TEAD4: variants seen among roughly 807,000 people sequenced by gnomAD.
TEAD4 encodes the protein TEA domain transcription factor 4, also known as transcriptional enhancer factor TEF-3.
A neutral mutation model predicts 52.4 loss-of-function variants in TEAD4; 36 were observed. The ratio of observed to expected loss-of-function variants is 0.69; its 90% CI spans 0.53 to 0.91. TEAD4 has a LOEUF of 0.91. TEAD4 is among the 40% of genes least tolerant of loss of function. The probability of loss-of-function intolerance (pLI) is 0.00; values close to 1 mark genes in which losing one functional copy is unlikely to be tolerated. For synonymous variants in TEAD4, 220 were observed against 231.0 expected, an observed-to-expected ratio of 0.95 and a Z score of 0.43; for missense variants, 508 against 583.9, an observed-to-expected ratio of 0.87 and a Z score of 1.34.
rs1239272473 is a variant in TEAD4, at chr12:2,994,821, C to T, written c.55C>T (p.Pro19Ser). The T allele has an allele frequency of 1.2e-6, 2 of 1,613,862 alleles. No individual in the cohort carries two copies. Among genetic ancestry groups the T allele is most frequent in the Non-Finnish European group, 1.7e-6 (2 of 1,180,004 alleles). ...CAACGAGTGGAGCTCTCCCACCTCC[C>T]CTGAGGGGAGCACCGCCTCTGGGGG... is the stretch of plus-strand genomic sequence containing the variant. The change falls in exon 3 of 13, where the codon CCT (proline) becomes TCT (serine). Residue 19 changes from proline (P) to serine (S), a missense_variant. By Grantham distance (74) the Pro-to-Ser change is moderately conservative. Transcript: ENST00000359864. The surrounding 1 kb of genome is among the most constrained non-coding windows in gnomAD (Gnocchi z 4.7).
At chr12:3,020,276 C>G (rs888238973) in intron 8 of TEAD4, among the ~76,000 whole-genome samples, 1 of 152,218 alleles carries the variant, frequency 6.6e-6, no homozygotes, top group Non-Finnish European at 1.5e-5. Flanking sequence ...GGTTATTTCC[C>G]CGACTGGAAC....
At chr12:3,016,474 G>A (rs538195037) in intron 5 of TEAD4, among the ~76,000 whole-genome samples, 2 of 152,002 alleles carry the variant, frequency 1.3e-5, no homozygotes, top group Admixed American at 6.6e-5. Flanking sequence ...GTACAGTAAC[G>A]CATGCCCGTG....
chr12:3,038,835 C>T (rs1012050264), intron 11 of TEAD4, among the ~76,000 whole-genome samples: 7 of 152,188 alleles, frequency 4.6e-5, no homozygotes, highest in African/African-American at 1.7e-4. Context: ...TCTCCTGCAG[C>T]ACCCTGTGTT....
intron 10 of TEAD4, among the ~76,000 whole-genome samples, chr12:3,033,768 A>G (rs989161838): frequency 2.6e-5 from 4 of 152,222 alleles, no homozygotes; most frequent in Non-Finnish European, 4.4e-5. Flanking sequence ...GGGCACTCAC[A>G]GGGCAGGGGA....
At chr12:3,018,740 T>TTCTA (rs2098266418) in intron 7 of TEAD4, 152 bp downstream of exon 7, 1 of 947,460 alleles carries the variant, frequency 1.1e-6, no homozygotes, top group Non-Finnish European at 1.6e-6. Context: ...GATTGGGCTC[T>TTCTA]TCTACTGTCA....
chr12:3,015,871 A>T (rs896936888), intron 5 of TEAD4, among the ~76,000 whole-genome samples: 2 of 151,894 alleles, frequency 1.3e-5, no homozygotes, highest in African/African-American at 4.8e-5. Context: ...TAATGGTTTT[A>T]TCTTTGTCAT....
In TEAD4 at chr12:2,965,745, CA is replaced by C. The variant is rs1164086355; in HGVS notation, c.-30+5706del. Among the ~76,000 whole-genome samples the C allele has an allele frequency of 4.6e-5, 7 of 151,992 alleles. 1 individual carries two copies. The highest frequency in any genetic ancestry group is 9.7e-5 in the African/African-American group (4 of 41,354). ...TTTTTTAGTAGAGACGGGGTTTCACCATGTTAGCCAGGATGGTCTTGATCTC... is the reference window on the plus strand; with the variant it reads ...TTTTTTAGTAGAGACGGGGTTTCACCTGTTAGCCAGGATGGTCTTGATCTC... On this transcript the variant is annotated intron_variant, in intron 2 of 12. Transcript: ENST00000359864.
chr12:3,037,394 G>T (rs185147059), intron 10 of TEAD4, among the ~76,000 whole-genome samples: 1 of 152,160 alleles, frequency 6.6e-6, no homozygotes, highest in South Asian at 2.1e-4. Context: ...GTGCCTAGAG[G>T]GGGAAGAGGC....
intron 4 of TEAD4, 25 bp downstream of exon 4, chr12:3,011,093 G>C: frequency 6.2e-7 from 1 of 1,613,708 alleles, no homozygotes; most frequent in Non-Finnish European, 8.5e-7. Context: ...ACGGGTAGGG[G>C]TCCCGGGGGT....
rs953431712 is a variant in TEAD4, at chr12:2,959,555, C to A, written c.-123+74C>A. Reference sequence around the variant, plus strand: ...CGCGCCCCACGCCGCCGCAGCCGACCGCTCGCGCCGCGTGCTCGGCTGCTC... The same window carrying A: ...CGCGCCCCACGCCGCCGCAGCCGACAGCTCGCGCCGCGTGCTCGGCTGCTC... On this transcript the variant is annotated intron_variant, in intron 1 of 12. Transcript: ENST00000359864. The surrounding 1 kb of genome is among the most constrained non-coding windows in gnomAD (Gnocchi z 5.1). The A allele has an allele frequency of 6.7e-6, 1 of 149,728 alleles. No homozygotes were observed. The highest frequency in any genetic ancestry group is 1.8e-4 in the South Asian group (1 of 5,514). The allele number at this position is 149,728 out of a possible 1,614,324, so 9.3% of individuals were successfully genotyped here. A position where few individuals can be genotyped will look rare whatever the true frequency, so the allele number is the denominator to read the frequency against.
At chr12:2,964,705 C>A (rs986783354) in intron 2 of TEAD4, among the ~76,000 whole-genome samples, 7 of 151,214 alleles carry the variant, frequency 4.6e-5, no homozygotes, top group Non-Finnish European at 8.8e-5. Flanking sequence ...CTCCCAACCT[C>A]AGGTGATCCA....
At chr12:2,968,740 C>G (rs1301750632) in intron 2 of TEAD4, among the ~76,000 whole-genome samples, 2 of 152,064 alleles carry the variant, frequency 1.3e-5, no homozygotes, top group African/African-American at 2.4e-5. Flanking sequence ...CCTCAAACTC[C>G]TGCACTCAGA....
At chr12:2,990,160 T>C (rs1216068529) in intron 2 of TEAD4, among the ~76,000 whole-genome samples, 1 of 152,210 alleles carries the variant, frequency 6.6e-6, no homozygotes, top group Admixed American at 6.5e-5. Flanking sequence ...TTAATTTCAG[T>C]GACTAAAATG....
chr12:2,962,315 A>C (rs113309092), intron 2 of TEAD4, among the ~76,000 whole-genome samples: 2 of 119,062 alleles, frequency 1.7e-5, no homozygotes, highest in Non-Finnish European at 3.3e-5. Flanking sequence ...TAAATATATA[A>C]ATATATATAT....
At chr12:3,015,628 G>A (rs551739313) in intron 5 of TEAD4, among the ~76,000 whole-genome samples, 1 of 152,326 alleles carries the variant, frequency 6.6e-6, no homozygotes, top group East Asian at 1.9e-4. Flanking sequence ...GAGCTGGCGA[G>A]CTGCAGGGCT....
At position 2,991,413 on chromosome 12, in the gene TEAD4, G is replaced by A. The variant is rs150468494; in HGVS notation, c.-29-3325G>A. Among the ~76,000 whole-genome samples the A allele has an allele frequency of 5.3e-5, 8 of 152,302 alleles. No individual in the cohort carries two copies. The East Asian group carries it at 9.7e-4, about 18-fold the overall frequency. On this transcript the variant is annotated intron_variant, in intron 2 of 12. Transcript: ENST00000359864. ...ATGATGGCTCACGCCTGTGATTTCA[G>A]CACTTTGGGAGGCCGAGGTGGATGG...
intron 5 of TEAD4, among the ~76,000 whole-genome samples, chr12:3,012,595 G>T (rs1003788976): frequency 1.3e-5 from 2 of 152,170 alleles, no homozygotes; most frequent in African/African-American, 2.4e-5. Flanking sequence ...GCATGGGGGG[G>T]TGCCTGCTGT....
chr12:3,016,339 T>G (rs1347144283), intron 5 of TEAD4, among the ~76,000 whole-genome samples: 1 of 152,158 alleles, frequency 6.6e-6, no homozygotes, highest in Non-Finnish European at 1.5e-5. Context: ...GGTATCAAAT[T>G]TCTAATCAGA....
chr12:3,019,288 C>A, intron 8 of TEAD4, 118 bp downstream of exon 8: 2 of 1,124,472 alleles, frequency 1.8e-6, no homozygotes, highest in Non-Finnish European at 2.6e-6. Context: ...CCGTCATGCA[C>A]ACTGACCACA....
Sources: allele counts gnomAD v4.1 joint callset (sites outside exome capture counted in the v4.1 genomes callset), GRCh38; gene constraint gnomAD v4.1.1; non-coding constraint Gnocchi (gnomAD v3.1); transcripts MANE v1.5; gene names NCBI Gene and HGNC (gene_info 2026-07-23, HGNC 2026-07-21).